The following CPEB3 variants were observed in gnomAD, a reference collection of about 807,000 sequenced individuals.
CPEB3 encodes the protein cytoplasmic polyadenylation element binding protein 3, also known as cytoplasmic polyadenylation element-binding protein 3.
A neutral mutation model predicts 67.2 loss-of-function variants in CPEB3; 20 were observed. That is an observed-to-expected ratio of 0.30 (90% CI 0.21 to 0.43). The LOEUF (loss-of-function observed/expected upper bound fraction) is 0.43. Ranked by LOEUF, CPEB3 falls within the 20% of genes least tolerant of loss-of-function variation. CPEB3 has a pLI of 1.00. For synonymous variants in CPEB3, 376 were observed against 393.1 expected, an observed-to-expected ratio of 0.96 and a Z score of 0.51; for missense variants, 746 against 968.6, an observed-to-expected ratio of 0.77 and a Z score of 3.05.
At chr10:92,224,522 A>C (rs964959927) in intron 2 of CPEB3, among the ~76,000 whole-genome samples, 1 of 151,576 alleles carries the variant, frequency 6.6e-6, no homozygotes, top group Non-Finnish European at 1.5e-5. Context: ...TCAGCACACC[A>C]TGTTGTTTCT....
chr10:92,131,497 T>G (rs1845841336), intron 6 of CPEB3, among the ~76,000 whole-genome samples: 1 of 152,144 alleles, frequency 6.6e-6, no homozygotes, highest in South Asian at 2.1e-4. Context: ...AACATATAAG[T>G]GAGAAAATAA....
intron 8 of CPEB3, among the ~76,000 whole-genome samples, chr10:92,089,213 G>A (rs986659508): frequency 6.6e-6 from 1 of 152,154 alleles, no homozygotes; most frequent in African/African-American, 2.4e-5. Context: ...AAAGCTCAGT[G>A]TGTTTCAAAG....
chr10:92,246,232 G>T (rs1852058368), intron 1 of CPEB3, among the ~76,000 whole-genome samples: 2 of 151,230 alleles, frequency 1.3e-5, no homozygotes, highest in Admixed American at 6.6e-5. Context: ...TACTCGGGAG[G>T]CTGAGGCAGG....
At chr10:92,251,685 C>A (rs1350813162) in intron 1 of CPEB3, among the ~76,000 whole-genome samples, 3 of 151,912 alleles carry the variant, frequency 2.0e-5, no homozygotes, top group East Asian at 1.9e-4. Context: ...GGATTGTAGG[C>A]CTAATTGTAA....
intron 1 of CPEB3, among the ~76,000 whole-genome samples, chr10:92,254,041 CAATA>C (rs1056284793): frequency 3.8e-4 from 58 of 152,156 alleles, no homozygotes; most frequent in African/African-American, 1.4e-3. Flanking sequence ...CCACCTTAGG[CAATA>C]TAGTGAGACC....
At chr10:92,279,074 G>A (rs182996721) in intron 1 of CPEB3, among the ~76,000 whole-genome samples, 5 of 152,092 alleles carry the variant, frequency 3.3e-5, no homozygotes, top group East Asian at 1.9e-4. Flanking sequence ...CCAGTACAAC[G>A]TTGAATAGAG....
Position 92,093,030 on chromosome 10 carries a change from C to T in CPEB3, c.1573-1086G>A, listed in dbSNP as rs144718188. Among the ~76,000 whole-genome samples, 139 of 152,244 alleles carry T rather than the reference C, an allele frequency of 9.1e-4. 1 individual carries two copies. Among genetic ancestry groups the T allele is most frequent in the African/African-American group, 3.2e-3 (133 of 41,542 alleles). On this transcript the variant is annotated intron_variant, in intron 7 of 9. Coordinates refer to ENST00000265997, the MANE Select transcript of CPEB3 (RefSeq NM_014912.5). The stretch of plus-strand genomic sequence containing the variant: ...AGAATTTTAACCTTAAAACATGAGC[C>T]TTTATGTACATGGTTTTATATACAA...
At chr10:92,257,909 T>C (rs4933229) in intron 1 of CPEB3, among the ~76,000 whole-genome samples, 102,926 of 151,272 alleles carry the variant, frequency 0.68, 36,829 homozygotes, top group African/African-American at 0.91. Flanking sequence ...TTTGTATTTT[T>C]GATAGAGATG....
At chr10:92,116,252 TAAAA>T (rs1208917572) in intron 6 of CPEB3, among the ~76,000 whole-genome samples, 3 of 145,882 alleles carry the variant, frequency 2.1e-5, no homozygotes, top group Non-Finnish European at 4.5e-5. Context: ...CACCTTCCAG[TAAAA>T]AAAAAAAAAA....
chr10:92,128,141 C>A (rs1050518000), intron 6 of CPEB3, among the ~76,000 whole-genome samples: 5 of 152,148 alleles, frequency 3.3e-5, no homozygotes, highest in Non-Finnish European at 4.4e-5. Context: ...GTAACCTTCA[C>A]AAAATTTATC....
chr10:92,084,736 C>T (rs1436014144), intron 8 of CPEB3, among the ~76,000 whole-genome samples: 4 of 152,074 alleles, frequency 2.6e-5, no homozygotes, highest in Non-Finnish European at 4.4e-5. Flanking sequence ...CCCGCCACCA[C>T]GCCTGGCTAA....
intron 1 of CPEB3, among the ~76,000 whole-genome samples, chr10:92,267,737 C>T (rs1280464318): frequency 6.6e-6 from 1 of 152,112 alleles, no homozygotes; most frequent in Non-Finnish European, 1.5e-5. Flanking sequence ...CAATGAAAGC[C>T]ATGTTTATTA....
At chr10:92,274,777 G>C (rs931630667) in intron 1 of CPEB3, among the ~76,000 whole-genome samples, 6 of 152,122 alleles carry the variant, frequency 3.9e-5, no homozygotes, top group African/African-American at 1.4e-4. Context: ...GTGAGTCGAG[G>C]CTGCGTCACT....
chr10:92,232,651 G>A (rs937879521), intron 2 of CPEB3, among the ~76,000 whole-genome samples: 7 of 151,786 alleles, frequency 4.6e-5, no homozygotes, highest in African/African-American at 7.3e-5. Context: ...CCAGCTACTC[G>A]GGAAGCTGAG....
Position 92,143,133 on chromosome 10 carries a change from A to C in CPEB3, c.1364-15T>G. The C allele has an allele frequency of 6.2e-7, 1 of 1,600,106 alleles. No individual in the cohort carries two copies. Among genetic ancestry groups the C allele is most frequent in the Non-Finnish European group, 8.5e-7 (1 of 1,170,244 alleles). ...AGTGATCTCATCTACAAAACAAAGAAAGAATCTTAGCAAAAGAGAAAAAAA... is the reference window on the plus strand; with the variant it reads ...AGTGATCTCATCTACAAAACAAAGACAGAATCTTAGCAAAAGAGAAAAAAA... On this transcript the variant is annotated splice_polypyrimidine_tract_variant and intron_variant, in intron 5 of 9. Transcript: ENST00000265997.
intron 6 of CPEB3, among the ~76,000 whole-genome samples, chr10:92,127,414 G>A (rs916657564): frequency 2.2e-4 from 34 of 152,140 alleles, no homozygotes; most frequent in Admixed American, 1.7e-3. Flanking sequence ...GGTGGCTCAC[G>A]ACTGTAAATC....
At chr10:92,083,813 T>C (rs371322353) in intron 8 of CPEB3, among the ~76,000 whole-genome samples, 1 of 152,154 alleles carries the variant, frequency 6.6e-6, no homozygotes, top group South Asian at 2.1e-4. Flanking sequence ...GGCACATGAG[T>C]GGTAAGCTTG....
intron 3 of CPEB3, among the ~76,000 whole-genome samples, chr10:92,186,140 G>A (rs1309667435): frequency 1.3e-5 from 2 of 151,110 alleles, no homozygotes; most frequent in Admixed American, 6.6e-5. Context: ...GGGAGGCAGA[G>A]GTGGGCAGAT....
intron 4 of CPEB3, among the ~76,000 whole-genome samples, chr10:92,147,605 AGTCTG>A (rs1846748192): frequency 6.6e-6 from 1 of 152,234 alleles, no homozygotes; most frequent in African/African-American, 2.4e-5. Context: ...AAGGAATCAC[AGTCTG>A]GTGGGGGAGA....
Sources: gnomAD v4.1 joint callset for allele counts (sites outside exome capture counted in the v4.1 genomes callset) on GRCh38, gnomAD v4.1.1 for gene constraint, MANE v1.5 for transcripts, NCBI Gene and HGNC (gene_info 2026-07-23, HGNC 2026-07-21) for gene names.